Variants in SPATA21 observed in about 807,000 individuals in gnomAD.
SPATA21 encodes spermatogenesis associated 21.
SPATA21 carries 47 observed loss-of-function variants against 54.8 expected under a neutral mutation model. The observed-to-expected ratio is 0.86, with a 90% CI of 0.68 to 1.09. The LOEUF (loss-of-function observed/expected upper bound fraction) is 1.09, where lower values mean the gene tolerates loss of function less well. Among genes scored for constraint, SPATA21 ranks in the 50% least tolerant of loss-of-function variants. The probability of loss-of-function intolerance (pLI) is 0.00; values close to 1 mark genes in which losing one functional copy is unlikely to be tolerated. For synonymous variants in SPATA21, 245 were observed against 235.3 expected (o/e 1.04, Z -0.38); for missense variants, 599 against 596.4 (o/e 1.00, Z -0.05).
In SPATA21 at chr1:16,405,033, GC is replaced by G; in HGVS notation, c.744del (p.Leu249SerfsTer2). ...AGCGTCACAGAGAAGCCCATTAGGA[GC>G]AGGATATTCTTCAGGCTCTGTGCAT... The part of the protein sequence containing the change: ...EVDAQSLKNI[L>X]LLMGFSVTLA... On this transcript the variant is annotated frameshift_variant, in exon 8 of 13. Transcript: ENST00000335496. LOFTEE classifies it high-confidence loss of function. 1 of 1,609,990 alleles carries G rather than the reference GC, an allele frequency of 6.2e-7. No individual in the cohort carries two copies. The highest frequency in any genetic ancestry group is 1.3e-5 in the African/African-American group (1 of 74,806).
chr1:16,400,345 G>A (rs894631342), intron 11 of SPATA21: 1 of 696,664 alleles, frequency 1.4e-6, no homozygotes, highest in African/African-American at 1.9e-5. Flanking sequence ...CTGTAAAATG[G>A]GGTAAATACA....
Position 16,398,793 on chromosome 1 carries a change from A to G in SPATA21, c.1382T>C (p.Leu461Pro), listed in dbSNP as rs561009055. The G allele has an allele frequency of 5.6e-6, 9 of 1,613,732 alleles. No individual in the cohort carries two copies. The highest frequency in any genetic ancestry group is 6.8e-6 in the Non-Finnish European group (8 of 1,179,788). The stretch of plus-strand genomic sequence containing the variant: ...GTGGGTTCGAGCTGGCACAGAGCTG[A>G]GCCACTTTCTGCTGTCAGAGTTGTG... ...REHNSDSRKW[L>P]SSVPARTH is the part of the protein sequence containing the mutation. Residue 461 changes from leucine (L) to proline (P), a missense_variant, in exon 13 of 13, where the codon CTC (leucine) becomes CCC (proline). Coordinates refer to ENST00000335496, the MANE Select transcript of SPATA21 (RefSeq NM_198546.1).
chr1:16,431,112 G>T (rs1020312938), intron 3 of SPATA21: 2 of 1,064,026 alleles, frequency 1.9e-6, no homozygotes, highest in Non-Finnish European at 2.6e-6. Context: ...GCTTAATCCA[G>T]TTTGAATTGG....
In SPATA21 at chr1:16,403,950, G is replaced by A. The variant is rs2085541807; in HGVS notation, c.883+18C>T. 3.7e-6 allele frequency: 6 copies of A among 1,604,598 alleles called. No homozygotes were observed. The highest frequency in any genetic ancestry group is 1.3e-5 in the African/African-American group (1 of 74,708). On this transcript the variant is annotated intron_variant, in intron 9 of 12. Coordinates refer to ENST00000335496, the MANE Select transcript of SPATA21 (RefSeq NM_198546.1). ...CCCCTCCTCCAGTTCTGACTACGCT[G>A]GGCTCATCCCTGCTCACCCACAGAG...
intron 12 of SPATA21, 133 bp from the exon 13 acceptor site, chr1:16,398,955 T>C: frequency 1.0e-6 from 1 of 978,912 alleles, no homozygotes; most frequent in Admixed American, 2.9e-5. Context: ...GAACCAGCAG[T>C]TGTGCTTAGG....
At chr1:16,436,904 G>T (rs986214629) in intron 1 of SPATA21, among the ~76,000 whole-genome samples, 3 of 152,114 alleles carry the variant, frequency 2.0e-5, no homozygotes, top group Admixed American at 1.3e-4. Flanking sequence ...TTGAAATCAG[G>T]AAGTGTGAGT....
intron 9 of SPATA21, 52 bp from the exon 10 acceptor site, chr1:16,403,896 C>G: frequency 1.2e-6 from 2 of 1,612,560 alleles, no homozygotes; most frequent in Non-Finnish European, 1.7e-6. Context: ...CCTGAATGCC[C>G]TCTTCTCTCC....
intron 3 of SPATA21, among the ~76,000 whole-genome samples, chr1:16,426,579 A>ATATATATATATTT (rs1401259793): frequency 7.5e-5 from 8 of 107,146 alleles, no homozygotes; most frequent in Non-Finnish European, 1.3e-4. Flanking sequence ...ATATATATAT[A>ATATATATATATTT]TTTTTTTTTT....
chr1:16,399,329 TC>T lies in SPATA21; in HGVS notation c.1352+14del. 16 of 1,601,282 alleles carry T rather than the reference TC, an allele frequency of 1.0e-5. No homozygotes were observed. The highest frequency in any genetic ancestry group is 1.4e-5 in the Non-Finnish European group (16 of 1,173,378). ...TGGAAGGGCCTGGGCTGGGACCCTT[TC>T]TCTGGGCACCCACCTGTTTCCTTGA... On this transcript the variant is annotated intron_variant, in intron 12 of 12. Coordinates refer to ENST00000335496, the MANE Select transcript of SPATA21 (RefSeq NM_198546.1).
intron 5 of SPATA21, among the ~76,000 whole-genome samples, chr1:16,414,007 T>C (rs182089941): frequency 1.5e-4 from 23 of 149,832 alleles, no homozygotes; most frequent in African/African-American, 5.6e-4. Flanking sequence ...CAACACTTGT[T>C]ATTTTCTGTT....
chr1:16,433,271 C>T (rs1457738902), intron 1 of SPATA21, among the ~76,000 whole-genome samples: 1 of 152,222 alleles, frequency 6.6e-6, no homozygotes, highest in Non-Finnish European at 1.5e-5. Flanking sequence ...GCCCTTCCTG[C>T]AGTTACAGCT....
intron 5 of SPATA21, among the ~76,000 whole-genome samples, chr1:16,418,793 C>T (rs1557662977): frequency 2.0e-5 from 3 of 152,170 alleles, no homozygotes; most frequent in African/African-American, 4.8e-5. Context: ...CCACTTGCCT[C>T]GGCCTCCCAA....
In SPATA21 at chr1:16,399,459, T is replaced by G; in HGVS notation, c.1237A>C (p.Lys413Gln). ...PCILLCPQLD[K>Q]KMVRRQPSNH... ...CTCGGCTGCCTACGGACCATCTTCT[T>G]GTCCAGCTGTGGGCAGAGCAGGATG... The change falls in exon 12 of 13, where the codon AAG becomes CAG. Residue 413 changes from lysine (K) to glutamine (Q), a missense_variant. Physicochemically the swap from Lys to Gln is moderately conservative, Grantham distance 53. Transcript: ENST00000335496. 1 of 1,613,502 alleles carries G rather than the reference T, an allele frequency of 6.2e-7. No homozygotes were observed. The highest frequency in any genetic ancestry group is 8.5e-7 in the Non-Finnish European group (1 of 1,180,016).
intron 3 of SPATA21, among the ~76,000 whole-genome samples, chr1:16,423,967 C>T (rs1467370404): frequency 1.3e-5 from 2 of 151,410 alleles, no homozygotes; most frequent in Non-Finnish European, 2.9e-5. Context: ...TTGGTAGTCG[C>T]CTGGGGATAG....
rs778931953 is a variant in SPATA21 at position 16,409,949 on chromosome 1, T to C, written c.239A>G (p.Asn80Ser). ...GCACTTCATGAAGCCCTGCCGGAAG[T>C]TCCCGAGGCTCTGTGTCCCTGCAGC... is the stretch of plus-strand genomic sequence containing the variant. Reference protein sequence around the residue: ...AVAAGTQSLGNFRQGFMKCLL... With the variant: ...AVAAGTQSLGSFRQGFMKCLL... The change falls in exon 6 of 13, where the codon AAC becomes AGC. Residue 80 changes from asparagine to serine, a missense_variant. By Grantham distance (46) the Asn-to-Ser change is conservative (BLOSUM62 1). Coordinates refer to ENST00000335496, the MANE Select transcript of SPATA21 (RefSeq NM_198546.1). The surrounding 1 kb of genome is among the most constrained non-coding windows in gnomAD (Gnocchi z 4.1). 5.0e-6 allele frequency: 8 copies of C among 1,613,568 alleles called. No individual in the cohort carries two copies. The highest frequency in any genetic ancestry group is 5.1e-6 in the Non-Finnish European group (6 of 1,179,840).
intron 7 of SPATA21, 101 bp from the exon 8 acceptor site, chr1:16,405,205 A>G: frequency 6.7e-7 from 1 of 1,484,944 alleles, no homozygotes; most frequent in Admixed American, 2.6e-5. Context: ...CCACCATCAA[A>G]AGTGAAAATA....
At position 16,433,647 on chromosome 1, in the gene SPATA21, G is replaced by C. The variant is rs28692668; in HGVS notation, c.-186-723C>G. Among the ~76,000 whole-genome samples the C allele has an allele frequency of 5.1e-3, 778 of 152,286 alleles. 6 individuals are homozygous for C. Among genetic ancestry groups the C allele is most frequent in the African/African-American group, 0.018 (732 of 41,564 alleles). On this transcript the variant is annotated intron_variant, in intron 1 of 12. Transcript: ENST00000335496. ...GTATTCCACAAACTGAAGTTTTACG[G>C]AGGCAGAAGCCCCAGAGGGGCTCCA...
chr1:16,405,842 G>A (rs1209923264), intron 7 of SPATA21, among the ~76,000 whole-genome samples: 5 of 152,328 alleles, frequency 3.3e-5, no homozygotes, highest in Middle Eastern at 3.4e-3. Flanking sequence ...CCAAGATCTA[G>A]GGACAGACTT....
chr1:16,422,940 G>A (rs1028213002), intron 3 of SPATA21, among the ~76,000 whole-genome samples: 1 of 152,098 alleles, frequency 6.6e-6, no homozygotes, highest in Non-Finnish European at 1.5e-5. Context: ...AGGGGCAGGT[G>A]GATCACTTGA....
Sources: gnomAD v4.1 joint callset for allele counts (sites outside exome capture counted in the v4.1 genomes callset) on GRCh38, gnomAD v4.1.1 for gene constraint, Gnocchi (gnomAD v3.1) non-coding constraint, MANE v1.5 for transcripts, NCBI Gene and HGNC (gene_info 2026-07-23, HGNC 2026-07-21) for gene names.